The following LANCL3 variants were observed in gnomAD, a reference collection of about 807,000 sequenced individuals.
The protein encoded by LANCL3 is lanC-like protein 3.
Under a neutral mutation model 26.5 loss-of-function variants are expected in LANCL3, and 19 were observed. That is an observed-to-expected ratio of 0.72 (90% CI 0.50 to 1.05). LANCL3 has a LOEUF of 1.05. Ranked by LOEUF, LANCL3 falls within the 50% of genes least tolerant of loss-of-function variation. LANCL3 has a pLI of 0.00. For synonymous variants in LANCL3, 160 were observed against 166.6 expected (o/e 0.96, Z 0.30); for missense variants, 318 against 362.7 (o/e 0.88, Z 1.00).
At chrX:37,632,447 A>G (rs2146756765) in intron 1 of LANCL3, among the ~76,000 whole-genome samples, 2 of 111,066 alleles carry the variant, frequency 1.8e-5, no homozygotes, top group East Asian at 5.6e-4. Context: ...CATTTAGTCC[A>G]TTTACATTTA....
chrX:37,605,781 C>T (rs558678867), intron 1 of LANCL3, among the ~76,000 whole-genome samples: 1 of 111,807 alleles, frequency 8.9e-6, no homozygotes, highest in Non-Finnish European at 1.9e-5. Flanking sequence ...TACATGGACC[C>T]TCTTATTTAA....
At chrX:37,582,649 A>T (rs1923932570) in intron 1 of LANCL3, among the ~76,000 whole-genome samples, 1 of 110,668 alleles carries the variant, frequency 9.0e-6, no homozygotes, top group Non-Finnish European at 1.9e-5. Context: ...TTTCTTGTAA[A>T]TTTGTTTGAG....
At chrX:37,599,419 AG>A (rs1395030958) in intron 1 of LANCL3, among the ~76,000 whole-genome samples, 1 of 112,099 alleles carries the variant, frequency 8.9e-6, no homozygotes, top group Non-Finnish European at 1.9e-5. Flanking sequence ...GATCTGGGGT[AG>A]GGTGGGATAA....
At chrX:37,590,123 A>G (rs1302276230) in intron 1 of LANCL3, among the ~76,000 whole-genome samples, 14 of 112,591 alleles carry the variant, frequency 1.2e-4, no homozygotes, top group African/African-American at 4.5e-4. Flanking sequence ...AAATTGCCAT[A>G]TAGGTGATGT....
chrX:37,617,006 C>T (rs1309995418), intron 1 of LANCL3, among the ~76,000 whole-genome samples: 1 of 109,848 alleles, frequency 9.1e-6, no homozygotes, highest in Non-Finnish European at 1.9e-5. Context: ...AAGAACAACA[C>T]ATTAAGGTCT....
chrX:37,632,650 T>A (rs1925560534), intron 1 of LANCL3, among the ~76,000 whole-genome samples: 1 of 111,093 alleles, frequency 9.0e-6, no homozygotes, highest in Non-Finnish European at 1.9e-5. Context: ...GCAGGCCTGG[T>A]GGTGACAAAA....
chrX:37,594,687 TG>T (rs1289831702), intron 1 of LANCL3, among the ~76,000 whole-genome samples: 1 of 112,109 alleles, frequency 8.9e-6, no homozygotes, highest in Non-Finnish European at 1.9e-5. Flanking sequence ...GTTGACTGAA[TG>T]GCAATTGTTT....
intron 1 of LANCL3, among the ~76,000 whole-genome samples, chrX:37,572,884 G>A (rs781914185): frequency 8.9e-6 from 1 of 112,122 alleles, no homozygotes; most frequent in African/African-American, 3.2e-5. Context: ...TGCTTCTGGA[G>A]CCCTGGGTCT....
chrX:37,573,181 CACAT>C (rs1375519146), intron 1 of LANCL3, among the ~76,000 whole-genome samples: 1 of 112,163 alleles, frequency 8.9e-6, no homozygotes, highest in Non-Finnish European at 1.9e-5. Flanking sequence ...AATTGGTTTT[CACAT>C]ACATATTTTT....
intron 1 of LANCL3, among the ~76,000 whole-genome samples, chrX:37,650,133 C>T (rs1926099991): frequency 1.8e-5 from 2 of 108,492 alleles, no homozygotes; most frequent in South Asian, 8.3e-4. Context: ...GAAACCCCGT[C>T]TCTGCTAAAA....
Position 37,676,274 on chromosome X carries a change from T to G in LANCL3, c.*461T>G, listed in dbSNP as rs1556437192. ...CTGAAAACTGCTATGAGGAATGGAT[T>G]GTCAGGTTGCTGAAGTATAAAAATA... On this transcript the variant is annotated 3_prime_UTR_variant, in exon 5 of 5. Transcript: ENST00000378619. 8.9e-6 allele frequency: 1 copy of G among 112,415 alleles called. No homozygotes were observed. The allele number at this position is 112,415 out of a possible 1,213,427, so 9.3% of individuals were successfully genotyped here. A position where few individuals can be genotyped will look rare whatever the true frequency, so the allele number is the denominator to read the frequency against.
chrX:37,655,795 T>C lies in LANCL3; in HGVS notation c.681T>C (p.Tyr227=). The C allele has an allele frequency of 8.3e-7, 1 of 1,206,058 alleles. No individual in the cohort carries two copies. Among genetic ancestry groups the C allele is most frequent in the South Asian group, 1.8e-5 (1 of 56,264 alleles). ...CATTCCCCCTGATGTATTCTTACTA[T>C]GGAACCGAATACTTGGGTAAGTGAA... ...RKPFPLMYSY[Y]GTEYLGAAHG... The change falls in exon 2 of 5, where the codon TAT becomes TAC. Residue 227 remains tyrosine (Y), a synonymous_variant. Coordinates refer to ENST00000378619, the MANE Select transcript of LANCL3 (RefSeq NM_001170331.2).
intron 3 of LANCL3, among the ~76,000 whole-genome samples, chrX:37,659,888 A>G (rs1794909696): frequency 8.9e-6 from 1 of 111,766 alleles, no homozygotes; most frequent in African/African-American, 3.2e-5. Context: ...ATAAAGTTAA[A>G]CTAACATTGT....
At chrX:37,665,314 A>G (rs1213122949) in intron 3 of LANCL3, among the ~76,000 whole-genome samples, 1 of 111,710 alleles carries the variant, frequency 9.0e-6, no homozygotes, top group African/African-American at 3.3e-5. Context: ...ACATTGCCCC[A>G]CTAGCCTTCA....
At chrX:37,655,020 C>T (rs911889992) in intron 1 of LANCL3, among the ~76,000 whole-genome samples, 9 of 112,581 alleles carry the variant, frequency 8.0e-5, no homozygotes, top group African/African-American at 2.9e-4. Flanking sequence ...GCTTGAGAAC[C>T]GTTTAATCTC....
intron 1 of LANCL3, among the ~76,000 whole-genome samples, chrX:37,598,778 G>A (rs922011337): frequency 1.1e-4 from 12 of 111,787 alleles, no homozygotes; most frequent in African/African-American, 3.6e-4. Context: ...TTTTCACAAA[G>A]TACCTTCCTT....
At chrX:37,611,408 G>T (rs1924866620) in intron 1 of LANCL3, among the ~76,000 whole-genome samples, 2 of 110,529 alleles carry the variant, frequency 1.8e-5, no homozygotes, top group Non-Finnish European at 3.8e-5. Flanking sequence ...ATGATTTGAG[G>T]TACCTTTGCT....
chrX:37,574,435 G>A (rs1923691455), intron 1 of LANCL3, among the ~76,000 whole-genome samples: 1 of 110,998 alleles, frequency 9.0e-6, no homozygotes, highest in African/African-American at 3.3e-5. Context: ...CTCAGTTATC[G>A]CTCTAATTTA....
At chrX:37,623,242 T>C (rs954465814) in intron 1 of LANCL3, among the ~76,000 whole-genome samples, 4 of 111,981 alleles carry the variant, frequency 3.6e-5, no homozygotes, top group African/African-American at 1.3e-4. Flanking sequence ...TGAAATTTTA[T>C]AGTGTCTCAG....
Sources: gnomAD v4.1 joint callset for allele counts (sites outside exome capture counted in the v4.1 genomes callset) on GRCh38, gnomAD v4.1.1 for gene constraint, MANE v1.5 for transcripts, NCBI Gene and HGNC (gene_info 2026-07-23, HGNC 2026-07-21) for gene names.